U2AF2: variants seen among roughly 807,000 people sequenced by gnomAD.
The protein encoded by U2AF2 is U2 small nuclear RNA auxiliary factor 2, also known as splicing factor U2AF 65 kDa subunit.
U2AF2 carries 6 observed loss-of-function variants against 52.6 expected under a neutral mutation model. The ratio of observed to expected loss-of-function variants is 0.11; its 90% CI spans 0.06 to 0.23. U2AF2 has a LOEUF of 0.23. Ranked by LOEUF, U2AF2 falls within the 10% of genes least tolerant of loss-of-function variation. The probability of loss-of-function intolerance (pLI) is 1.00; values close to 1 mark genes in which losing one functional copy is unlikely to be tolerated. For missense variants in U2AF2, 222 were observed against 677.1 expected, an observed-to-expected ratio of 0.33 and a Z score of 7.46; for synonymous variants, 284 against 258.2, an observed-to-expected ratio of 1.10 and a Z score of -0.96.
chr19:55,655,058 G>A lies in U2AF2; in HGVS notation c.-47G>A, dbSNP rs1329659936. 19 of 1,601,070 alleles carry A rather than the reference G, an allele frequency of 1.2e-5. No homozygotes were observed. The highest frequency in any genetic ancestry group is 1.6e-5 in the Non-Finnish European group (19 of 1,175,852). ...GTAGCCGAAGCGGCTGGAGCGGGCG[G>A]CAAGGCGAGGCGAAAGCTGCACAGG... On this transcript the variant is annotated 5_prime_UTR_variant, in exon 1 of 12. Coordinates refer to ENST00000308924, the MANE Select transcript of U2AF2 (RefSeq NM_007279.3).
At position 55,655,165 on chromosome 19, in the gene U2AF2, G is replaced by C; in HGVS notation, c.49+12G>C. On this transcript the variant is annotated intron_variant, in intron 1 of 11. Coordinates refer to ENST00000308924, the MANE Select transcript of U2AF2 (RefSeq NM_007279.3). ...CGAGAATAAACAAGGTGAGGGCACC[G>C]GGGTCGCGGGGCGGAGGTGTGGGCG... 1 of 1,602,324 alleles carries C rather than the reference G, an allele frequency of 6.2e-7. No homozygotes were observed. Among genetic ancestry groups the C allele is most frequent in the Non-Finnish European group, 8.5e-7 (1 of 1,175,400 alleles).
At chr19:55,665,661 T>G (rs1984503800) in intron 7 of U2AF2, among the ~76,000 whole-genome samples, 1 of 152,186 alleles carries the variant, frequency 6.6e-6, no homozygotes, top group South Asian at 2.1e-4. Context: ...TTTTGTTGTG[T>G]TTTTTGAGAC....
intron 6 of U2AF2, among the ~76,000 whole-genome samples, chr19:55,663,146 TTCTGAGCACTCCCTCTCACTG>T (rs545713879): frequency 0.014 from 2,162 of 152,246 alleles, 19 homozygotes; most frequent in Middle Eastern, 0.027. Flanking sequence ...CTGCAGAGAT[TTCTGAGCACTCCCTCTCACTG>T]TCTGAGCACT....
At chr19:55,663,805 A>G (rs759321812) in intron 7 of U2AF2, 61 bp downstream of exon 7, 7 of 1,601,504 alleles carry the variant, frequency 4.4e-6, no homozygotes, top group Non-Finnish European at 5.1e-6. Flanking sequence ...TGGCCTGTCC[A>G]TCCCTTCAGC....
intron 11 of U2AF2, among the ~76,000 whole-genome samples, chr19:55,673,442 G>C (rs1462277779): frequency 1.3e-5 from 2 of 151,904 alleles, no homozygotes; most frequent in Admixed American, 1.3e-4. Context: ...CTGTAAATTG[G>C]TTTAAGCAAG....
Position 55,668,759 on chromosome 19 carries a change from C to T in U2AF2, c.912C>T (p.Phe304=). 1.2e-6 allele frequency: 2 copies of T among 1,613,654 alleles called. No individual in the cohort carries two copies. Among genetic ancestry groups the T allele is most frequent in the South Asian group, 2.2e-5 (2 of 91,086 alleles). Residue 304 remains phenylalanine, a synonymous_variant, in exon 9 of 12, where the codon TTC becomes TTT. Coordinates refer to ENST00000308924, the MANE Select transcript of U2AF2 (RefSeq NM_007279.3). The surrounding 1 kb of genome is among the most constrained non-coding windows in gnomAD (Gnocchi z 5.5). ...SATGLSKGYA[F]CEYVDINVTD... ...CGGGGCTCTCCAAGGGCTACGCCTT[C>T]TGTGAGTACGTGGACATCAACGTCA...
At chr19:55,656,093 G>T (rs1271259935) in intron 1 of U2AF2, among the ~76,000 whole-genome samples, 1 of 152,184 alleles carries the variant, frequency 6.6e-6, no homozygotes, top group Non-Finnish European at 1.5e-5. Context: ...AATTGTGATG[G>T]GTTAGAACAA....
chr19:55,661,273 G>A, intron 5 of U2AF2, 84 bp downstream of exon 5: 3 of 1,340,054 alleles, frequency 2.2e-6, no homozygotes, highest in Admixed American at 5.2e-5. Flanking sequence ...TCCCCAACCT[G>A]CACGGGTCAG....
At position 55,669,075 on chromosome 19, in the gene U2AF2, A is replaced by C. The variant is rs750974859; in HGVS notation, c.946-8A>C. On this transcript the variant is annotated splice_region_variant and splice_polypyrimidine_tract_variant and intron_variant, in intron 9 of 11. Transcript: ENST00000308924. Reference sequence around the variant, plus strand: ...CGCACCCCCCGACCCCTCATCCTCCAAACACAGGCCATTGCGGGGCTGAAC... The same window carrying C: ...CGCACCCCCCGACCCCTCATCCTCCCAACACAGGCCATTGCGGGGCTGAAC... The C allele has an allele frequency of 2.2e-5, 36 of 1,611,166 alleles. No homozygotes were observed. The highest frequency in any genetic ancestry group is 3.1e-5 in the Non-Finnish European group (36 of 1,179,008).
At chr19:55,673,094 T>C (rs1256784613) in intron 11 of U2AF2, among the ~76,000 whole-genome samples, 2 of 152,080 alleles carry the variant, frequency 1.3e-5, no homozygotes, top group East Asian at 3.9e-4. Context: ...AATTTTTGTA[T>C]TTTTGGTAGA....
intron 1 of U2AF2, 111 bp from the exon 2 acceptor site, chr19:55,659,099 C>A: frequency 3.7e-6 from 5 of 1,362,966 alleles, no homozygotes; most frequent in Non-Finnish European, 4.8e-6. Flanking sequence ...AATCCCTTCC[C>A]TTTGGGGGTG....
At position 55,668,398 on chromosome 19, in the gene U2AF2, T is replaced by C. The variant is rs1984676156; in HGVS notation, c.743-109T>C. On this transcript the variant is annotated intron_variant, in intron 7 of 11. Transcript: ENST00000308924. The surrounding 1 kb of genome is among the most constrained non-coding windows in gnomAD (Gnocchi z 5.5). ...ACGTGGCGACCCCTCCCTCGTCAGA[T>C]CAGGCAGGAAGTGTTCTCTTTGGCA... is the stretch of plus-strand genomic sequence containing the variant. 2 of 1,110,348 alleles carry C rather than the reference T, an allele frequency of 1.8e-6. No individual in the cohort carries two copies. The highest frequency in any genetic ancestry group is 2.5e-6 in the Non-Finnish European group (2 of 791,330). 68.8% of individuals were successfully genotyped at this position (1,110,348 alleles called of 1,614,324 possible).
Position 55,674,171 on chromosome 19 carries a change from C to T in U2AF2, c.*103C>T, listed in dbSNP as rs1985129266. 2 of 1,136,676 alleles carry T rather than the reference C, an allele frequency of 1.8e-6. No individual in the cohort carries two copies. Among genetic ancestry groups the T allele is most frequent in the Non-Finnish European group, 2.3e-6 (2 of 881,024 alleles). The allele number at this position is 1,136,676 out of a possible 1,614,324, so 70.4% of individuals were successfully genotyped here. A position where few individuals can be genotyped will look rare whatever the true frequency, so the allele number is the denominator to read the frequency against. ...AGACGATGGGCAGAGGAGTGACAGC[C>T]GCAGACACACGACAGCCGGCAGCAA... On this transcript the variant is annotated 3_prime_UTR_variant, in exon 12 of 12. Transcript: ENST00000308924.
intron 5 of U2AF2, 179 bp downstream of exon 5, chr19:55,661,368 T>G (rs940186850): frequency 1.1e-5 from 6 of 555,506 alleles, no homozygotes; most frequent in Non-Finnish European, 1.4e-5. Flanking sequence ...GGGGTGGCCC[T>G]CCCTCCCTCC....
chr19:55,659,386 G>C lies in U2AF2; in HGVS notation c.185+41G>C, dbSNP rs571371117. 6.3e-6 allele frequency: 9 copies of C among 1,435,868 alleles called. No individual in the cohort carries two copies. In the East Asian group the frequency reaches 1.1e-4, roughly 18 times the overall value. 88.9% of individuals were successfully genotyped at this position (1,435,868 alleles called of 1,614,324 possible). ...GATCCCCTGGGCCAGCCTGGGAGTCGGGGGGTCGGTGTTGGCCGGCCTGTG... is the reference window on the plus strand; with the variant it reads ...GATCCCCTGGGCCAGCCTGGGAGTCCGGGGGTCGGTGTTGGCCGGCCTGTG... On this transcript the variant is annotated intron_variant, in intron 2 of 11. Coordinates refer to ENST00000308924, the MANE Select transcript of U2AF2 (RefSeq NM_007279.3).
chr19:55,659,600 C>T (rs983830206), intron 2 of U2AF2, among the ~76,000 whole-genome samples: 12 of 151,820 alleles, frequency 7.9e-5, no homozygotes, highest in South Asian at 6.3e-4. Context: ...GGCTCTTTAT[C>T]TGGAGCCTGG....
At chr19:55,667,635 G>A (rs1454307242) in intron 7 of U2AF2, among the ~76,000 whole-genome samples, 3 of 152,194 alleles carry the variant, frequency 2.0e-5, no homozygotes, top group Admixed American at 6.5e-5. Context: ...AGTTCCCAGT[G>A]AGATCAGAGC....
intron 1 of U2AF2, among the ~76,000 whole-genome samples, chr19:55,657,479 A>G (rs1983870448): frequency 6.6e-6 from 1 of 152,134 alleles, no homozygotes; most frequent in African/African-American, 2.4e-5. Context: ...CCCAGCGGGC[A>G]TCATTGCTTT....
intron 1 of U2AF2, 36 bp from the exon 2 acceptor site, chr19:55,659,174 C>G: frequency 6.7e-7 from 1 of 1,501,984 alleles, no homozygotes; most frequent in Non-Finnish European, 8.9e-7. Context: ...ATCCTTACTC[C>G]GCTTATCCCG....
Sources: gnomAD v4.1 joint callset for allele counts (sites outside exome capture counted in the v4.1 genomes callset) on GRCh38, gnomAD v4.1.1 for gene constraint, Gnocchi (gnomAD v3.1) non-coding constraint, MANE v1.5 for transcripts, NCBI Gene and HGNC (gene_info 2026-07-23, HGNC 2026-07-21) for gene names.